The following ABCC8 variants were observed in gnomAD, a reference collection of about 807,000 sequenced individuals.
The protein encoded by ABCC8 is ATP binding cassette subfamily C member 8, also known as ATP-binding cassette sub-family C member 8.
A neutral mutation model predicts 188.0 loss-of-function variants in ABCC8; 137 were observed. The ratio of observed to expected loss-of-function variants is 0.73; its 90% CI spans 0.63 to 0.84. The LOEUF (loss-of-function observed/expected upper bound fraction) is 0.84, where lower values mean the gene tolerates loss of function less well. Among genes scored for constraint, ABCC8 ranks in the 40% least tolerant of loss-of-function variants. The pLI is 0.00. For missense variants in ABCC8, 1,750 were observed against 2,072.7 expected (o/e 0.84, Z 3.02); for synonymous variants, 797 against 846.5 (o/e 0.94, Z 1.01).
At chr11:17,395,125 G>T in intron 36 of ABCC8, 47 bp downstream of exon 36, 1 of 1,551,332 alleles carries the variant, frequency 6.4e-7, no homozygotes, top group South Asian at 1.2e-5. Flanking sequence ...TCCTTACAGG[G>T]TCCTTGAGTG....
At chr11:17,436,887 G>A (rs186267321) in intron 10 of ABCC8, among the ~76,000 whole-genome samples, 17 of 152,230 alleles carry the variant, frequency 1.1e-4, no homozygotes, top group Non-Finnish European at 2.2e-4. Flanking sequence ...TCAGGAGTTT[G>A]AGACCAGCCT....
At chr11:17,454,556 G>A (rs1212277288) in intron 6 of ABCC8, among the ~76,000 whole-genome samples, 1 of 152,154 alleles carries the variant, frequency 6.6e-6, no homozygotes, top group Non-Finnish European at 1.5e-5. Flanking sequence ...GGGCAGGGGT[G>A]GGCTGGAAGC....
chr11:17,400,093 G>T (rs918040952), intron 29 of ABCC8, among the ~76,000 whole-genome samples: 5 of 152,208 alleles, frequency 3.3e-5, no homozygotes, highest in African/African-American at 1.2e-4. Flanking sequence ...CACCCAAGAC[G>T]TACCTTACTG....
At chr11:17,396,325 C>T in intron 33 of ABCC8, 1 of 363,610 alleles carries the variant, frequency 2.8e-6, no homozygotes, top group Non-Finnish European at 5.3e-6. Context: ...AATGGAGCCA[C>T]CTCTGATCCC....
chr11:17,474,888 A>G lies in ABCC8; in HGVS notation c.288T>C (p.Asp96=), dbSNP rs754396065. Reference sequence around the variant, plus strand: ...TGAGTCCTCAGACAGTCACTCACCCATCAGACAGGATGCCCTCTGCAATCT... The same window carrying G: ...TGAGTCCTCAGACAGTCACTCACCCGTCAGACAGGATGCCCTCTGCAATCT... The part of the protein sequence containing the change: ...VCEIAEGILS[D]GVTESHHLHL... Residue 96 remains aspartate, a splice_region_variant and synonymous_variant, in exon 2 of 39, where the codon GAT becomes GAC. Transcript: ENST00000389817. 1.2e-5 allele frequency: 20 copies of G among 1,614,112 alleles called. No homozygotes were observed. Among genetic ancestry groups the G allele is most frequent in the Non-Finnish European group, 1.7e-5 (20 of 1,180,030 alleles).
intron 16 of ABCC8, among the ~76,000 whole-genome samples, chr11:17,419,633 AT>A (rs1354893504): frequency 6.6e-6 from 1 of 152,180 alleles, no homozygotes; most frequent in Non-Finnish European, 1.5e-5. Context: ...AAAAAACATA[AT>A]TTTTACAAGA....
chr11:17,432,204 T>C lies in ABCC8; in HGVS notation c.1671A>G (p.Ile557Met), dbSNP rs769879225. 6.4e-7 allele frequency: 1 copy of C among 1,552,836 alleles called. No homozygotes were observed. The highest frequency in any genetic ancestry group is 1.2e-5 in the South Asian group (1 of 84,106). The change falls in exon 11 of 39, where the codon ATA becomes ATG. Residue 557 changes from isoleucine to methionine, a missense_variant and splice_region_variant. Ile to Met is a conservative substitution (Grantham distance 10). Coordinates refer to ENST00000389817, the MANE Select transcript of ABCC8 (RefSeq NM_000352.6). ...NTAIPIAAVL[I>M]TFVGHVSFFK... is the part of the protein sequence containing the mutation. ...AGAGATGGAGAAAGGATCCACTTACTATGAGGACAGCTGCAATGGGGATGG... is the reference window on the plus strand; with the variant it reads ...AGAGATGGAGAAAGGATCCACTTACCATGAGGACAGCTGCAATGGGGATGG...
intron 12 of ABCC8, chr11:17,429,540 A>G (rs980356297): frequency 3.9e-5 from 6 of 152,138 alleles, no homozygotes; most frequent in African/African-American, 1.4e-4. Context: ...TCCTGCGCCC[A>G]CCTTCAGCCA....
At chr11:17,473,286 G>A (rs1591924260) in intron 2 of ABCC8, among the ~76,000 whole-genome samples, 2 of 151,938 alleles carry the variant, frequency 1.3e-5, no homozygotes, top group African/African-American at 2.4e-5. Flanking sequence ...GGGTGGAGGC[G>A]GACTTGTCAC....
intron 12 of ABCC8, chr11:17,430,546 G>GTTT: frequency 1.8e-5 from 8 of 444,852 alleles, no homozygotes; most frequent in South Asian, 7.7e-5. Flanking sequence ...GCTCAACACT[G>GTTT]GTTTTTTTTT....
At chr11:17,454,130 T>A (rs1956909766) in intron 6 of ABCC8, among the ~76,000 whole-genome samples, 2 of 152,012 alleles carry the variant, frequency 1.3e-5, no homozygotes. Context: ...TTTGGCAGGG[T>A]GTGGGAGCTG....
intron 16 of ABCC8, among the ~76,000 whole-genome samples, chr11:17,425,836 GC>G (rs1300481027): frequency 1.9e-5 from 2 of 107,656 alleles, no homozygotes; most frequent in African/African-American, 7.2e-5. Flanking sequence ...CCCTCCCCTT[GC>G]CCCCCACCCC....
intron 14 of ABCC8, 114 bp downstream of exon 14, chr11:17,428,175 G>A: frequency 6.4e-7 from 1 of 1,560,854 alleles, no homozygotes; most frequent in Non-Finnish European, 8.7e-7. Flanking sequence ...GACCGTACAG[G>A]CAGGCAGGGT....
intron 4 of ABCC8, 116 bp downstream of exon 4, chr11:17,463,322 A>G (rs974123805): frequency 2.2e-6 from 2 of 922,962 alleles, no homozygotes; most frequent in Non-Finnish European, 3.4e-6. Context: ...GGCGGGTAAA[A>G]CAAGCTGATC....
rs1284894054 is a variant in ABCC8 at position 17,476,747 on chromosome 11, G to A, written c.30C>T (p.Asn10=). Residue 10 remains asparagine, a synonymous_variant, in exon 1 of 39, where the codon AAC becomes AAT. Coordinates refer to ENST00000389817, the MANE Select transcript of ABCC8 (RefSeq NM_000352.6). The part of the protein sequence containing the change: MPLAFCGSE[N]HSAAYRVDQG... ...GGTCCACCCGGTAGGCGGCCGAGTG[G>A]TTCTCGCTGCCGCAGAAGGCCAGGG... 6.3e-7 allele frequency: 1 copy of A among 1,595,062 alleles called. No homozygotes were observed. Among genetic ancestry groups the A allele is most frequent in the Non-Finnish European group, 8.5e-7 (1 of 1,171,210 alleles).
At position 17,405,504 on chromosome 11, in the gene ABCC8, G is replaced by A; in HGVS notation, c.3389C>T (p.Thr1130Ile). The A allele has an allele frequency of 6.8e-6, 11 of 1,614,246 alleles. No individual in the cohort carries two copies. Among genetic ancestry groups the A allele is most frequent in the Non-Finnish European group, 9.3e-6 (11 of 1,180,046 alleles). Residue 1130 changes from threonine (T) to isoleucine (I), a missense_variant, in exon 27 of 39, where the codon ACC becomes ATC. Transcript: ENST00000389817. ...ILNRFSSDCNTIDQHIPSTLE... is the reference protein window; with the variant it reads ...ILNRFSSDCNIIDQHIPSTLE... ...CACGGTCCTCTGTACCTGGTCGATG[G>A]TGTTACAGTCAGATGAAAATCTGTT...
intron 10 of ABCC8, among the ~76,000 whole-genome samples, chr11:17,433,621 C>G (rs1489734401): frequency 6.6e-6 from 1 of 152,210 alleles, no homozygotes; most frequent in Non-Finnish European, 1.5e-5. Context: ...CCAGGAAGTT[C>G]CAGATACAAT....
chr11:17,398,455 G>A lies in ABCC8; in HGVS notation c.3651-14C>T, dbSNP rs1954058904. 1.2e-6 allele frequency: 2 copies of A among 1,613,818 alleles called. No homozygotes were observed. Among genetic ancestry groups the A allele is most frequent in the Non-Finnish European group, 1.7e-6 (2 of 1,179,932 alleles). The stretch of plus-strand genomic sequence containing the variant: ...CGGGCCTCATACCTGGAGGGAGGAT[G>A]AGAAGCTCCTAAGGGAACAGTGTTG... On this transcript the variant is annotated splice_polypyrimidine_tract_variant and intron_variant, in intron 29 of 38. Transcript: ENST00000389817.
chr11:17,397,260 C>A lies in ABCC8; in HGVS notation c.3921G>T (p.Gln1307His). The stretch of plus-strand genomic sequence containing the variant: ...CATGGATGCGCTTCACAGCCCCCAG[C>A]TGGAGCTCCATGTCTGCCAGGTTCC... ...MVRNLADMEL[Q>H]LGAVKRIHGL... The change falls in exon 32 of 39, where the codon CAG becomes CAT. Residue 1307 changes from glutamine to histidine, a missense_variant. Gln to His is a conservative substitution (Grantham distance 24). Transcript: ENST00000389817. The A allele has an allele frequency of 6.2e-7, 1 of 1,613,572 alleles. No individual in the cohort carries two copies. Among genetic ancestry groups the A allele is most frequent in the Non-Finnish European group, 8.5e-7 (1 of 1,180,018 alleles).
Sources: gnomAD v4.1 joint callset for allele counts (sites outside exome capture counted in the v4.1 genomes callset) on GRCh38, gnomAD v4.1.1 for gene constraint, MANE v1.5 for transcripts, NCBI Gene and HGNC (gene_info 2026-07-23, HGNC 2026-07-21) for gene names.